The following SYNPR variants were observed in gnomAD, a reference collection of about 807,000 sequenced individuals.
SYNPR encodes the protein synaptoporin.
In SYNPR, 23 loss-of-function variants were observed where a neutral mutation model predicts 32.9. The ratio of observed to expected loss-of-function variants is 0.70; its 90% confidence interval spans 0.50 to 0.99. The LOEUF (loss-of-function observed/expected upper bound fraction) is 0.99, where lower values mean the gene tolerates loss of function less well. SYNPR is among the 50% of genes least tolerant of loss of function. The probability of loss-of-function intolerance (pLI) is 0.00; values close to 1 mark genes in which losing one functional copy is unlikely to be tolerated. For synonymous variants in SYNPR, 146 were observed against 135.9 expected (o/e 1.07, Z -0.52); for missense variants, 318 against 349.3 (o/e 0.91, Z 0.71).
At chr3:63,584,400 T>C (rs1575723472) in intron 4 of SYNPR, among the ~76,000 whole-genome samples, 1 of 151,978 alleles carries the variant, frequency 6.6e-6, no homozygotes, top group African/African-American at 2.4e-5. Context: ...AGGGAGGAAG[T>C]GCAGCAGCCT....
the SYNPR span, among the ~76,000 whole-genome samples, chr3:63,202,711 C>G: frequency 6.6e-6 from 1 of 152,108 alleles, no homozygotes. Flanking sequence ...CATAATCAAA[C>G]ACATTTGAGC....
chr3:63,345,632 C>G (rs971835129), intron 2 of SYNPR, among the ~76,000 whole-genome samples: 1 of 152,100 alleles, frequency 6.6e-6, no homozygotes. Context: ...CTGCTGGTCT[C>G]GCATTGGCTG....
intron 2 of SYNPR, among the ~76,000 whole-genome samples, chr3:63,465,976 G>C (rs72885474): frequency 0.05 from 7,548 of 152,034 alleles, 609 homozygotes; most frequent in African/African-American, 0.17. Context: ...TGTGTCACAG[G>C]GATTTGTTGT....
chr3:63,274,681 T>G (rs904189182), upstream of SYNPR, among the ~76,000 whole-genome samples: 2 of 152,212 alleles, frequency 1.3e-5, no homozygotes, highest in Admixed American at 6.5e-5. Context: ...CAATAGGCAC[T>G]CAGCCCTTAC....
chr3:63,251,076 A>C (rs2086327270), intron 1 of SYNPR, among the ~76,000 whole-genome samples: 1 of 152,150 alleles, frequency 6.6e-6, no homozygotes, highest in Non-Finnish European at 1.5e-5. Flanking sequence ...TTTACTTTTT[A>C]TTTCACATAT....
At chr3:63,381,138 G>A (rs2087963234) in intron 2 of SYNPR, among the ~76,000 whole-genome samples, 1 of 152,174 alleles carries the variant, frequency 6.6e-6, no homozygotes, top group African/African-American at 2.4e-5. Context: ...TGATAAGATT[G>A]TATATTTAGA....
intron 3 of SYNPR, among the ~76,000 whole-genome samples, chr3:63,489,639 G>A (rs921666868): frequency 1.3e-5 from 2 of 152,120 alleles, no homozygotes; most frequent in African/African-American, 2.4e-5. Context: ...AAGTAGACAC[G>A]ACTGCTTCCC....
chr3:63,259,375 A>G (rs2086417523), intron 2 of SYNPR, among the ~76,000 whole-genome samples: 1 of 152,214 alleles, frequency 6.6e-6, no homozygotes, highest in African/African-American at 2.4e-5. Context: ...CTTATCCACC[A>G]TGATCAAGTG....
intron 4 of SYNPR, among the ~76,000 whole-genome samples, chr3:63,596,733 C>A (rs1559547070): frequency 6.6e-6 from 1 of 152,138 alleles, no homozygotes; most frequent in Non-Finnish European, 1.5e-5. Flanking sequence ...GATGGCTTAG[C>A]TTTGGACCAT....
chr3:63,322,160 C>A (rs1012192341), intron 2 of SYNPR, among the ~76,000 whole-genome samples: 1 of 151,960 alleles, frequency 6.6e-6, no homozygotes, highest in African/African-American at 2.4e-5. Flanking sequence ...GGAGGGTGTG[C>A]AGCAATGTTC....
chr3:63,340,284 G>A (rs1275904062), intron 2 of SYNPR, among the ~76,000 whole-genome samples: 3 of 151,702 alleles, frequency 2.0e-5, no homozygotes, highest in Non-Finnish European at 4.4e-5. Flanking sequence ...ACATATACAG[G>A]TTTTGTGTGG....
At chr3:63,371,373 GGA>G (rs1000707274) in intron 2 of SYNPR, among the ~76,000 whole-genome samples, 1 of 152,152 alleles carries the variant, frequency 6.6e-6, no homozygotes, top group Non-Finnish European at 1.5e-5. Context: ...TGGCAGTGGG[GGA>G]GGTCAGGCTC....
intron 2 of SYNPR, among the ~76,000 whole-genome samples, chr3:63,373,535 A>T (rs192397688): frequency 6.6e-6 from 1 of 152,262 alleles, no homozygotes; most frequent in Non-Finnish European, 1.5e-5. Context: ...ATAAAGAAAA[A>T]ATAATTTTAA....
intron 2 of SYNPR, among the ~76,000 whole-genome samples, chr3:63,400,503 C>T (rs1333144534): frequency 6.6e-6 from 1 of 152,234 alleles, no homozygotes; most frequent in East Asian, 1.9e-4. Flanking sequence ...TTGGCTTTCT[C>T]CACAAGGCTG....
At chr3:63,257,701 C>G (rs1385710800) in intron 2 of SYNPR, among the ~76,000 whole-genome samples, 2 of 152,142 alleles carry the variant, frequency 1.3e-5, no homozygotes, top group Non-Finnish European at 2.9e-5. Flanking sequence ...ATGACAGGAT[C>G]AAATTCACAC....
intron 2 of SYNPR, among the ~76,000 whole-genome samples, chr3:63,303,208 G>A (rs2086875540): frequency 6.6e-6 from 1 of 150,614 alleles, no homozygotes; most frequent in Admixed American, 6.6e-5. Context: ...AGAATAAAAT[G>A]CTCTTATGTG....
intron 3 of SYNPR, among the ~76,000 whole-genome samples, chr3:63,509,157 T>C (rs1261994147): frequency 2.0e-5 from 3 of 151,560 alleles, no homozygotes; most frequent in Admixed American, 1.3e-4. Context: ...TATATCTATA[T>C]ACACACACAG....
In SYNPR at chr3:63,278,678, T is replaced by C; in HGVS notation, c.20T>C (p.Leu7Pro). The C allele has an allele frequency of 6.4e-7, 1 of 1,551,684 alleles. No homozygotes were observed. Among genetic ancestry groups the C allele is most frequent in the Non-Finnish European group, 8.7e-7 (1 of 1,146,994 alleles). MDPVSQ[L>P]ASAGTFRVLK... Reference sequence around the variant, plus strand: ...CTCTCTCGCCTCATTCCCCCAAAGCTGGCCTCTGCGGGCACCTTCCGGGTG... The same window carrying C: ...CTCTCTCGCCTCATTCCCCCAAAGCCGGCCTCTGCGGGCACCTTCCGGGTG... The change falls in exon 2 of 6, where the codon CTG (leucine) becomes CCG (proline). Residue 7 changes from leucine to proline, a missense_variant and splice_region_variant. Physicochemically the swap from Leu to Pro is moderately conservative, Grantham distance 98. Transcript: ENST00000478300.
At chr3:63,291,510 G>A (rs1488447479) in intron 2 of SYNPR, among the ~76,000 whole-genome samples, 2 of 152,130 alleles carry the variant, frequency 1.3e-5, no homozygotes, top group Non-Finnish European at 2.9e-5. Flanking sequence ...ATCTACAGCT[G>A]GAGGTTTGTG....
Sources: gnomAD v4.1 joint callset for allele counts (sites outside exome capture counted in the v4.1 genomes callset) on GRCh38, gnomAD v4.1.1 for gene constraint, MANE v1.5 for transcripts, NCBI Gene and HGNC (gene_info 2026-07-23, HGNC 2026-07-21) for gene names.